Variants in ZNF536 observed in about 807,000 individuals in gnomAD.
ZNF536 encodes zinc finger protein 536.
A neutral mutation model predicts 84.5 loss-of-function variants in ZNF536; 13 were observed. That is an observed-to-expected ratio of 0.15 (90% CI 0.10 to 0.24). The LOEUF (loss-of-function observed/expected upper bound fraction) is 0.24, where lower values mean the gene tolerates loss of function less well. Ranked by LOEUF, ZNF536 falls within the 10% of genes least tolerant of loss-of-function variation. ZNF536 has a pLI of 1.00. For synonymous variants in ZNF536, 811 were observed against 742.5 expected (o/e 1.09, Z -1.50); for missense variants, 1,536 against 1,747.5 (o/e 0.88, Z 2.16).
chr19:30,592,390 C>A (rs1267310852), intron 1 of ZNF536, among the ~76,000 whole-genome samples: 4 of 152,068 alleles, frequency 2.6e-5, no homozygotes, highest in Admixed American at 1.3e-4. Context: ...TTTTGTTAGA[C>A]CCATTTTTAG....
chr19:30,532,974 T>A (rs2044906222), intron 2 of ZNF536, among the ~76,000 whole-genome samples: 1 of 152,176 alleles, frequency 6.6e-6, no homozygotes, highest in Admixed American at 6.5e-5. Context: ...TGGAGTGACT[T>A]TGAGTTCTAG....
chr19:30,466,547 A>T (rs2053402163), intron 2 of ZNF536, among the ~76,000 whole-genome samples: 3 of 150,716 alleles, frequency 2.0e-5, no homozygotes, highest in Admixed American at 2.0e-4. Context: ...TTGGTGACAG[A>T]GTGAAACCCT....
chr19:30,560,587 C>T (rs1022437601), downstream of ZNF536, among the ~76,000 whole-genome samples: 2 of 152,184 alleles, frequency 1.3e-5, no homozygotes, highest in African/African-American at 4.8e-5. Context: ...AGACCACCCC[C>T]CCGCCCCATT....
rs57536360 is a variant in ZNF536 at position 30,238,431 on chromosome 19, CCACACACA to C, written c.-190+9779_-190+9786del. Among the ~76,000 whole-genome samples the C allele has an allele frequency of 1.7e-3, 252 of 150,306 alleles. 3 individuals are homozygous for C. The highest frequency in any genetic ancestry group is 4.1e-3 in the Admixed American group (62 of 15,114). The stretch of plus-strand genomic sequence containing the variant: ...CAAATGTTAGTACCATGTATCTAGG[CCACACACA>C]CACACACACACACACACACAATCAC... On this transcript the variant is annotated intron_variant, in intron 1 of 5. Coordinates refer to the ZNF536 transcript ENST00000585628.
rs754000711 is a variant in ZNF536, at chr19:30,443,747, C to G, written c.185C>G (p.Ala62Gly). ...PRPNPEEKPP[A>G]SLEEKAHVPM... Reference sequence around the variant, plus strand: ...CCCAACCCCGAGGAGAAGCCCCCCGCATCCCTGGAGGAGAAGGCCCACGTG... The same window carrying G: ...CCCAACCCCGAGGAGAAGCCCCCCGGATCCCTGGAGGAGAAGGCCCACGTG... Residue 62 changes from alanine to glycine, a missense_variant, in exon 2 of 5, where the codon GCA becomes GGA. Physicochemically the swap from Ala to Gly is moderately conservative, Grantham distance 60. Transcript: ENST00000355537. 1 of 1,612,896 alleles carries G rather than the reference C, an allele frequency of 6.2e-7. No homozygotes were observed. Among genetic ancestry groups the G allele is most frequent in the Non-Finnish European group, 8.5e-7 (1 of 1,179,602 alleles).
chr19:30,227,748 C>T (rs552592893), upstream of ZNF536, among the ~76,000 whole-genome samples: 46 of 151,948 alleles, frequency 3.0e-4, no homozygotes, highest in Non-Finnish European at 5.3e-4. Flanking sequence ...CAGCCGCCGC[C>T]GCCGCCGCCG....
At chr19:30,385,684 T>C (rs558011812) in intron 1 of ZNF536, among the ~76,000 whole-genome samples, 1 of 152,282 alleles carries the variant, frequency 6.6e-6, no homozygotes, top group East Asian at 1.9e-4. Flanking sequence ...CACCCCTGCG[T>C]CTTGGCTTTT....
intron 2 of ZNF536, among the ~76,000 whole-genome samples, chr19:30,294,547 A>ATG (rs1041258944): frequency 2.4e-5 from 2 of 82,926 alleles, no homozygotes; most frequent in African/African-American, 5.9e-5. Flanking sequence ...CTAGGCCCCA[A>ATG]TATGTGTGTG....
chr19:30,485,098 C>T (rs754877358), intron 2 of ZNF536, among the ~76,000 whole-genome samples: 73 of 151,998 alleles, frequency 4.8e-4, no homozygotes, highest in Non-Finnish European at 9.1e-4. Flanking sequence ...GAGCAGAGAT[C>T]GCGCCACTGC....
chr19:30,640,602 G>T (rs1484268988), intron 1 of ZNF536, among the ~76,000 whole-genome samples: 1 of 152,172 alleles, frequency 6.6e-6, no homozygotes, highest in Non-Finnish European at 1.5e-5. Flanking sequence ...GCTTCTCCCT[G>T]CACCGTCTTA....
chr19:30,388,917 C>G (rs2049461204), intron 1 of ZNF536, among the ~76,000 whole-genome samples: 1 of 152,192 alleles, frequency 6.6e-6, no homozygotes. Context: ...GTAGGGTGAG[C>G]TGACCAACTG....
intron 1 of ZNF536, among the ~76,000 whole-genome samples, chr19:30,391,838 G>A (rs2049602793): frequency 6.6e-6 from 1 of 152,134 alleles, no homozygotes. Flanking sequence ...AGCTGTCTTT[G>A]AATTATAATT....
At chr19:30,361,548 C>G (rs1163568526) in intron 3 of ZNF536, among the ~76,000 whole-genome samples, 1 of 152,038 alleles carries the variant, frequency 6.6e-6, no homozygotes, top group East Asian at 1.9e-4. Flanking sequence ...GGGGAGAGGC[C>G]TGGTGAAGTG....
chr19:30,515,930 G>A (rs1375566170), intron 2 of ZNF536, among the ~76,000 whole-genome samples: 1 of 150,888 alleles, frequency 6.6e-6, no homozygotes, highest in Non-Finnish European at 1.5e-5. Context: ...GTGGGGCTGA[G>A]GCAGGAGAAT....
intron 2 of ZNF536, among the ~76,000 whole-genome samples, chr19:30,301,959 A>G (rs1367641842): frequency 6.6e-6 from 1 of 152,134 alleles, no homozygotes; most frequent in East Asian, 1.9e-4. Context: ...AGGTGTGTAG[A>G]GGCCTCTGCA....
At chr19:30,687,284 C>A (rs1568671790) in intron 1 of ZNF536, among the ~76,000 whole-genome samples, 1 of 152,278 alleles carries the variant, frequency 6.6e-6, no homozygotes, top group East Asian at 1.9e-4. Context: ...AAATAAATTG[C>A]AGATTTGCTA....
chr19:30,287,305 G>A (rs746853558), intron 2 of ZNF536, among the ~76,000 whole-genome samples: 6 of 150,692 alleles, frequency 4.0e-5, no homozygotes, highest in Admixed American at 6.6e-5. Flanking sequence ...ATGAGTGGAC[G>A]GATGAATAGA....
chr19:30,344,121 T>C, intron 2 of ZNF536, among the ~76,000 whole-genome samples: 1 of 151,180 alleles, frequency 6.6e-6, no homozygotes, highest in Non-Finnish European at 1.5e-5. Context: ...GCCCTGTGGT[T>C]TCCCACCCCT....
At chr19:30,667,625 C>CTTTTTTTTTTTTTTTTTTTTTTTTT (rs57656065) in intron 1 of ZNF536, among the ~76,000 whole-genome samples, 1 of 124,008 alleles carries the variant, frequency 8.1e-6, no homozygotes, top group Non-Finnish European at 1.6e-5. Flanking sequence ...TTTTTTCTAG[C>CTTTTTTTTTTTTTTTTTTTTTTTTT]TTTTTTTTTT....
Sources: gnomAD v4.1 joint callset for allele counts (sites outside exome capture counted in the v4.1 genomes callset) on GRCh38, gnomAD v4.1.1 for gene constraint, MANE v1.5 for transcripts, NCBI Gene and HGNC (gene_info 2026-07-23, HGNC 2026-07-21) for gene names.